The following SEPHS1 variants were observed in gnomAD, a reference collection of about 807,000 sequenced individuals.
SEPHS1 encodes the protein selenophosphate synthetase 1, also known as zincore component SEPHS1.
SEPHS1 carries 7 observed loss-of-function variants against 39.2 expected under a neutral mutation model. The ratio of observed to expected loss-of-function variants is 0.18; its 90% CI spans 0.10 to 0.34. The LOEUF is 0.34. Among genes scored for constraint, SEPHS1 ranks in the 10% least tolerant of loss-of-function variants. The pLI, the probability that SEPHS1 is intolerant of heterozygous loss-of-function variation, is 1.00. For missense variants in SEPHS1, 253 were observed against 514.5 expected, an observed-to-expected ratio of 0.49 and a Z score of 4.92; for synonymous variants, 190 against 195.5, an observed-to-expected ratio of 0.97 and a Z score of 0.23.
At chr10:13,328,817 A>G (rs543869055) in intron 6 of SEPHS1, among the ~76,000 whole-genome samples, 1 of 152,302 alleles carries the variant, frequency 6.6e-6, no homozygotes, top group East Asian at 1.9e-4. Context: ...GCTCCCTGCT[A>G]GCTCAGGCCT....
At chr10:13,328,615 G>C (rs1833375742) in intron 6 of SEPHS1, among the ~76,000 whole-genome samples, 165 bp from the exon 7 acceptor site, 1 of 152,186 alleles carries the variant, frequency 6.6e-6, no homozygotes, top group African/African-American at 2.4e-5. Flanking sequence ...TAGTATTTTA[G>C]GTGTCCATTA....
chr10:13,345,065 A>T (rs1833885927), intron 1 of SEPHS1, 37 bp from the exon 2 acceptor site: 1 of 952,038 alleles, frequency 1.1e-6, no homozygotes, highest in African/African-American at 1.7e-5. Flanking sequence ...CCATGAAAAG[A>T]ATTCCCACTG....
intron 8 of SEPHS1, chr10:13,322,104 T>C (rs1301780077): frequency 4.5e-6 from 2 of 444,654 alleles, no homozygotes; most frequent in Admixed American, 2.6e-5. Context: ...AGACATAATA[T>C]CCTATTGCAT....
intron 8 of SEPHS1, among the ~76,000 whole-genome samples, chr10:13,321,894 AAGG>A (rs1394543744): frequency 6.6e-6 from 1 of 152,156 alleles, no homozygotes; most frequent in Admixed American, 6.5e-5. Flanking sequence ...CAGGAAACAA[AAGG>A]AGCTTAATCT....
intron 2 of SEPHS1, among the ~76,000 whole-genome samples, chr10:13,339,262 T>C (rs1008120405): frequency 1.3e-5 from 2 of 152,152 alleles, no homozygotes; most frequent in African/African-American, 4.8e-5. Context: ...ATGTAAAATA[T>C]TTTTACATTG....
At chr10:13,339,598 C>T (rs192492293) in intron 2 of SEPHS1, among the ~76,000 whole-genome samples, 16 of 152,032 alleles carry the variant, frequency 1.1e-4, no homozygotes, top group African/African-American at 3.9e-4. Flanking sequence ...CTTCTGTCCT[C>T]TTATGAGGAC....
rs1459366526 is a variant in SEPHS1 at position 13,338,815 on chromosome 10, A to G, written c.194-7T>C. 6.3e-7 allele frequency: 1 copy of G among 1,599,112 alleles called. No individual in the cohort carries two copies. The highest frequency in any genetic ancestry group is 2.2e-5 in the East Asian group (1 of 44,820). On this transcript the variant is annotated splice_polypyrimidine_tract_variant and splice_region_variant and intron_variant, in intron 2 of 8. Transcript: ENST00000327347. ...CAAGTATCCATTCCAATGCCTGTGG[A>G]GATGGAAGTCATTAGCATCCAAAAA... is the stretch of plus-strand genomic sequence containing the variant.
chr10:13,325,946 C>CA lies in SEPHS1; in HGVS notation c.751+2404dup, dbSNP rs201372928. Among the ~76,000 whole-genome samples, 36 of 34,338 alleles carry CA rather than the reference C, an allele frequency of 1.0e-3. 1 individual carries two copies. Among genetic ancestry groups the CA allele is most frequent in the Middle Eastern group, 0.028 (1 of 36 alleles). The allele number at this position is 34,338 out of a possible 152,430, so 22.5% of individuals were successfully genotyped here. A position where few individuals can be genotyped will look rare whatever the true frequency, so the allele number is the denominator to read the frequency against. ...AAAAAAAAAAAAAGAGACTCAGTCT[C>CA]AAAAAAAAAAAAAAAAAATAATAAT... On this transcript the variant is annotated intron_variant, in intron 7 of 8. Coordinates refer to ENST00000327347, the MANE Select transcript of SEPHS1 (RefSeq NM_012247.5).
rs763619968 is a variant in SEPHS1, at chr10:13,322,116, CTT to C, written c.964+717_964+718del. 171 of 423,472 alleles carry C rather than the reference CTT, an allele frequency of 4.0e-4. 1 individual carries two copies. The highest frequency in any genetic ancestry group is 7.0e-4 in the Non-Finnish European group (152 of 216,760). The allele number at this position is 423,472 out of a possible 1,614,324, so 26.2% of individuals were successfully genotyped here. On this transcript the variant is annotated intron_variant, in intron 8 of 8. Transcript: ENST00000327347. ...TAAAGACATAATATCCTATTGCATT[CTT>C]TTTTATTCTGTATCATTCTCTTTTC...
chr10:13,337,656 G>C (rs370815952), intron 3 of SEPHS1, among the ~76,000 whole-genome samples: 4 of 152,164 alleles, frequency 2.6e-5, no homozygotes, highest in Admixed American at 6.5e-5. Context: ...CGCTAGTTAG[G>C]GGGGTGGTGA....
intron 3 of SEPHS1, among the ~76,000 whole-genome samples, chr10:13,337,059 G>A (rs537834005): frequency 1.1e-4 from 16 of 152,312 alleles, no homozygotes; most frequent in African/African-American, 3.8e-4. Flanking sequence ...CCTGAGGCAT[G>A]AGAATTGCTT....
At chr10:13,346,001 G>C (rs1357131850) in intron 1 of SEPHS1, among the ~76,000 whole-genome samples, 1 of 152,260 alleles carries the variant, frequency 6.6e-6, no homozygotes, top group Non-Finnish European at 1.5e-5. Context: ...CGAAAGCCTG[G>C]AAAGTTCTCT....
Position 13,319,021 on chromosome 10 carries a change from G to A in SEPHS1, c.*121C>T, listed in dbSNP as rs1418565619. On this transcript the variant is annotated 3_prime_UTR_variant, in exon 9 of 9. Transcript: ENST00000327347. ...TATTAATTGTATCCACTTACAAACC[G>A]ACCTAAGGTCACCCCGATGTGTAGA... 1.7e-5 allele frequency: 16 copies of A among 960,426 alleles called. No individual in the cohort carries two copies. Among genetic ancestry groups the A allele is most frequent in the Middle Eastern group, 3.2e-4 (1 of 3,130 alleles). 59.5% of individuals were successfully genotyped at this position (960,426 alleles called of 1,614,324 possible).
In SEPHS1 at chr10:13,322,982, C is replaced by T; in HGVS notation, c.817G>A (p.Gly273Ser). Reference protein sequence around the residue: ...ATDITGFGILGHAQNLAKQQR... With the variant: ...ATDITGFGILSHAQNLAKQQR... ...TGCTTGGCCAGGTTCTGCGCATGGC[C>T]CAAAATCCCGAAGCCCGTGATGTCA... The change falls in exon 8 of 9, where the codon GGC becomes AGC. Residue 273 changes from glycine (G) to serine (S), a missense_variant. Physicochemically the swap from Gly to Ser is moderately conservative, Grantham distance 56. Coordinates refer to ENST00000327347, the MANE Select transcript of SEPHS1 (RefSeq NM_012247.5). 6.2e-7 allele frequency: 1 copy of T among 1,614,046 alleles called. No individual in the cohort carries two copies. Among genetic ancestry groups the T allele is most frequent in the South Asian group, 1.1e-5 (1 of 91,068 alleles).
At chr10:13,339,453 T>C (rs532564432) in intron 2 of SEPHS1, among the ~76,000 whole-genome samples, 4 of 152,294 alleles carry the variant, frequency 2.6e-5, no homozygotes, top group Admixed American at 2.0e-4. Context: ...CAAGATACGC[T>C]ACTCCTTGTC....
intron 6 of SEPHS1, among the ~76,000 whole-genome samples, chr10:13,328,926 C>A (rs7901525): frequency 0.19 from 28,777 of 152,180 alleles, 5,429 homozygotes; most frequent in African/African-American, 0.49. Context: ...TGCTAAAGAA[C>A]GTGGCAGCCT....
Position 13,346,420 on chromosome 10 carries a change from G to C in SEPHS1, c.-78-1392C>G, listed in dbSNP as rs574859046. ...CGCTCATATAAATCTCACGAAGCCC[G>C]AGTTTGGGCAGTAATCCAAACCGTC... On this transcript the variant is annotated intron_variant, in intron 1 of 8. Transcript: ENST00000327347. Among the ~76,000 whole-genome samples, 20 of 152,262 alleles carry C rather than the reference G, an allele frequency of 1.3e-4. No homozygotes were observed. The East Asian group carries it at 3.7e-3, about 28-fold the overall frequency.
At chr10:13,324,633 C>T (rs1833211512) in intron 7 of SEPHS1, among the ~76,000 whole-genome samples, 1 of 152,130 alleles carries the variant, frequency 6.6e-6, no homozygotes, top group Non-Finnish European at 1.5e-5. Context: ...TTTTTTGAGA[C>T]AGGGTCTCGC....
At position 13,348,152 on chromosome 10, in the gene SEPHS1, G is replaced by A. The variant is rs1253310491; in HGVS notation, c.-231C>T. The A allele has an allele frequency of 6.9e-6, 1 of 144,418 alleles. No homozygotes were observed. The highest frequency in any genetic ancestry group is 1.5e-5 in the Non-Finnish European group (1 of 65,150). 8.9% of individuals were successfully genotyped at this position (144,418 alleles called of 1,614,324 possible). On this transcript the variant is annotated 5_prime_UTR_variant, in exon 1 of 9. Transcript: ENST00000327347. ...GCGGCGGGGGCCCGGGCCCGCGCCT[G>A]GGCGCCGCGGGGGCTCGCCTGCCTC... is the stretch of plus-strand genomic sequence containing the variant.
Sources: allele counts gnomAD v4.1 joint callset (sites outside exome capture counted in the v4.1 genomes callset), GRCh38; gene constraint gnomAD v4.1.1; transcripts MANE v1.5; gene names NCBI Gene and HGNC (gene_info 2026-07-23, HGNC 2026-07-21).